NPC1: variants seen among roughly 807,000 people sequenced by gnomAD.
The protein encoded by NPC1 is NPC intracellular cholesterol transporter 1, also known as Niemann-Pick C1 protein.
A neutral mutation model predicts 140.4 loss-of-function variants in NPC1; 85 were observed. The ratio of observed to expected loss-of-function variants is 0.61; its 90% CI spans 0.51 to 0.72. NPC1 has a LOEUF of 0.72. NPC1 is among the 30% of genes least tolerant of loss of function. The pLI is 0.00. For missense variants in NPC1, 1,504 were observed against 1,623.8 expected (o/e 0.93, Z 1.27); for synonymous variants, 656 against 624.8 (o/e 1.05, Z -0.74).
chr18:23,556,753 G>C (rs1462925862), intron 7 of NPC1, 140 bp from the exon 8 acceptor site: 1 of 1,336,762 alleles, frequency 7.5e-7, no homozygotes, highest in Non-Finnish European at 1.0e-6. Flanking sequence ...CCTGCCCTCA[G>C]CTACCTATCT....
At chr18:23,564,752 G>A (rs1011957511) in intron 4 of NPC1, among the ~76,000 whole-genome samples, 1 of 152,108 alleles carries the variant, frequency 6.6e-6, no homozygotes, top group Non-Finnish European at 1.5e-5. Context: ...CCAAATATGA[G>A]GCCATGCAAA....
chr18:23,558,422 A>T (rs2058986085), intron 6 of NPC1, among the ~76,000 whole-genome samples: 1 of 152,234 alleles, frequency 6.6e-6, no homozygotes, highest in Non-Finnish European at 1.5e-5. Flanking sequence ...GTACTTGTCA[A>T]AACACCTTAT....
At chr18:23,517,235 C>T (rs868612500) in intron 3 of NPC1, among the ~76,000 whole-genome samples, 3 of 151,940 alleles carry the variant, frequency 2.0e-5, no homozygotes, top group African/African-American at 2.4e-5. Flanking sequence ...CTGCAACCTC[C>T]GCCTCCCAGG....
intron 3 of NPC1, among the ~76,000 whole-genome samples, chr18:23,512,016 C>G (rs918321981): frequency 1.6e-5 from 2 of 127,222 alleles, no homozygotes; most frequent in Admixed American, 8.1e-5. Flanking sequence ...GGTAGAAAGA[C>G]TTTTTTTTTT....
chr18:23,558,070 A>G (rs543015748), intron 6 of NPC1, among the ~76,000 whole-genome samples: 45 of 152,350 alleles, frequency 3.0e-4, no homozygotes, highest in Non-Finnish European at 5.0e-4. Flanking sequence ...AGCTTTCTGT[A>G]CAGAAGTCCA....
intron 1 of NPC1, among the ~76,000 whole-genome samples, chr18:23,580,543 G>A (rs1698755899): frequency 6.6e-6 from 1 of 152,246 alleles, no homozygotes; most frequent in African/African-American, 2.4e-5. Flanking sequence ...CTCAACCCCA[G>A]GGTAGGACTT....
chr18:23,568,760 G>A, intron 4 of NPC1, 63 bp downstream of exon 4: 1 of 1,335,674 alleles, frequency 7.5e-7, no homozygotes, highest in Non-Finnish European at 1.1e-6. Context: ...CAACTAAAAG[G>A]AACAATTTGC....
chr18:23,535,779 A>G, intron 21 of NPC1, 79 bp from the exon 22 acceptor site: 4 of 954,524 alleles, frequency 4.2e-6, no homozygotes, highest in Non-Finnish European at 6.8e-6. Context: ...ACCACTGCCA[A>G]GTGGTCAGAC....
intron 1 of NPC1, chr18:23,576,840 C>G (rs1157733255): frequency 6.1e-6 from 1 of 164,216 alleles, no homozygotes; most frequent in Non-Finnish European, 1.3e-5. Context: ...GTGAGTGTTA[C>G]AGCTCATAAA....
Position 23,551,630 on chromosome 18 carries a change from C to G in NPC1, c.1651G>C (p.Asp551His). The change falls in exon 10 of 25, where the codon GAT becomes CAT. Residue 551 changes from aspartate (D) to histidine (H), a missense_variant. Asp to His is a moderately conservative substitution (Grantham distance 81). Coordinates refer to ENST00000269228, the MANE Select transcript of NPC1 (RefSeq NM_000271.5). ...AGTCAAAGCTTCTCTTACTTACCAT[C>G]ATAGCCTCCCAACACAAGCCACGGG... ...VFPWLVLGGY[D>H]DQNYNNATAL... The G allele has an allele frequency of 6.2e-7, 1 of 1,610,504 alleles. No individual in the cohort carries two copies. The highest frequency in any genetic ancestry group is 1.1e-5 in the South Asian group (1 of 91,008).
intron 3 of NPC1, chr18:23,509,371 A>T (rs927728253): frequency 2.3e-4 from 83 of 362,806 alleles, no homozygotes; most frequent in East Asian, 1.1e-4. Context: ...ATATATATAT[A>T]TTTTAAACAT....
intron 6 of NPC1, among the ~76,000 whole-genome samples, chr18:23,557,724 G>A (rs1459808052): frequency 6.6e-6 from 1 of 151,926 alleles, no homozygotes; most frequent in Non-Finnish European, 1.5e-5. Context: ...CCTGGTGACA[G>A]AGCAAGACTC....
downstream of NPC1, chr18:23,528,968 C>T: frequency 1.6e-6 from 1 of 643,942 alleles, no homozygotes; most frequent in South Asian, 2.2e-5. Context: ...CAACCTCTGC[C>T]TCCTGGGTTC....
rs1167362040 is a variant in NPC1 at position 23,561,633 on chromosome 18, A to T, written c.464-106T>A. 3 of 1,102,726 alleles carry T rather than the reference A, an allele frequency of 2.7e-6. No individual in the cohort carries two copies. The East Asian group carries it at 7.1e-5, about 26-fold the overall frequency. 68.3% of individuals were successfully genotyped at this position (1,102,726 alleles called of 1,614,324 possible). A position where few individuals can be genotyped will look rare whatever the true frequency, so the allele number is the denominator to read the frequency against. On this transcript the variant is annotated intron_variant, in intron 4 of 24. Transcript: ENST00000269228. ...GAAGGGAAACACGAACTCCATATGC[A>T]CCATGCTGGAATGCTGGACAGCAAA...
chr18:23,527,183 A>G (rs1236201027), downstream of NPC1, among the ~76,000 whole-genome samples: 1 of 146,078 alleles, frequency 6.8e-6, no homozygotes, highest in Non-Finnish European at 1.5e-5. Flanking sequence ...TAGGAGTTCG[A>G]GACCAGCCTG....
At chr18:23,532,695 C>CTTTTTTTTTT (rs61493442) in intron 24 of NPC1, among the ~76,000 whole-genome samples, 5 of 136,838 alleles carry the variant, frequency 3.7e-5, no homozygotes, top group Non-Finnish European at 4.6e-5. Context: ...GTGCTCATCT[C>CTTTTTTTTTT]TTTTTTTTTT....
chr18:23,524,760 G>A (rs2058243977), downstream of NPC1, among the ~76,000 whole-genome samples: 1 of 151,752 alleles, frequency 6.6e-6, no homozygotes, highest in Non-Finnish European at 1.5e-5. Context: ...AGGGTGGATG[G>A]AAAGCCGGAC....
chr18:23,524,764 GC>G (rs937191740), downstream of NPC1, among the ~76,000 whole-genome samples: 5 of 151,828 alleles, frequency 3.3e-5, no homozygotes, highest in African/African-American at 1.2e-4. Context: ...TGGATGGAAA[GC>G]CGGACTCCAC....
chr18:23,558,643 A>G (rs1351461535), intron 6 of NPC1, among the ~76,000 whole-genome samples: 1 of 152,232 alleles, frequency 6.6e-6, no homozygotes, highest in African/African-American at 2.4e-5. Context: ...GTGAAATCTG[A>G]TTAAGATCTC....
Sources: allele counts gnomAD v4.1 joint callset (sites outside exome capture counted in the v4.1 genomes callset), GRCh38; gene constraint gnomAD v4.1.1; transcripts MANE v1.5; gene names NCBI Gene and HGNC (gene_info 2026-07-23, HGNC 2026-07-21).